Variants in KIAA1217 observed in about 807,000 individuals in gnomAD.
The protein encoded by KIAA1217 is sickle tail protein homolog.
Under a neutral mutation model 163.9 loss-of-function variants are expected in KIAA1217, and 88 were observed. That is an observed-to-expected ratio of 0.54 (90% CI 0.45 to 0.64). The LOEUF is 0.64. Ranked by LOEUF, KIAA1217 falls within the 30% of genes least tolerant of loss-of-function variation. KIAA1217 has a pLI of 0.00. For synonymous variants in KIAA1217, 903 were observed against 923.1 expected (o/e 0.98, Z 0.39); for missense variants, 2,372 against 2,475.0 (o/e 0.96, Z 0.88).
chr10:24,535,814 T>C (rs762159443), intron 16 of KIAA1217, among the ~76,000 whole-genome samples: 40 of 150,094 alleles, frequency 2.7e-4, no homozygotes, highest in Non-Finnish European at 4.9e-4. Flanking sequence ...TAAAAATAGT[T>C]TTTAATCCTA....
chr10:23,787,650 GACAA>G (rs994778561), intron 1 of KIAA1217, among the ~76,000 whole-genome samples: 5 of 152,106 alleles, frequency 3.3e-5, no homozygotes, highest in Non-Finnish European at 7.4e-5. Flanking sequence ...ATTGTGAGGA[GACAA>G]ACAAAACAAA....
chr10:24,281,552 C>T (rs1028032060), intron 2 of KIAA1217, among the ~76,000 whole-genome samples: 2 of 152,118 alleles, frequency 1.3e-5, no homozygotes, highest in African/African-American at 4.8e-5. Flanking sequence ...AAGATCTGTT[C>T]CTTAGGCTCT....
At chr10:24,311,366 C>A (rs1008865539) in intron 2 of KIAA1217, among the ~76,000 whole-genome samples, 5 of 152,152 alleles carry the variant, frequency 3.3e-5, no homozygotes, top group Non-Finnish European at 7.3e-5. Flanking sequence ...CGGGTCCTCG[C>A]TGGGCTTGTC....
intron 9 of KIAA1217, among the ~76,000 whole-genome samples, chr10:24,501,905 C>T (rs978206383): frequency 3.3e-5 from 5 of 151,814 alleles, no homozygotes; most frequent in Admixed American, 2.6e-4. Context: ...CCCGCCACCA[C>T]GCCCGGCTAA....
intron 3 of KIAA1217, among the ~76,000 whole-genome samples, chr10:24,393,962 G>A (rs1234353248): frequency 3.3e-5 from 5 of 152,212 alleles, no homozygotes; most frequent in Admixed American, 6.5e-5. Flanking sequence ...GCTTATGACA[G>A]TTGTCACAAA....
chr10:24,348,402 ATC>A (rs879842811), intron 2 of KIAA1217, among the ~76,000 whole-genome samples: 42 of 152,172 alleles, frequency 2.8e-4, no homozygotes, highest in African/African-American at 9.7e-4. Context: ...TCTAAAATAG[ATC>A]TTACTCTAGT....
At chr10:23,829,643 C>T (rs1294325192) in intron 1 of KIAA1217, among the ~76,000 whole-genome samples, 1 of 152,044 alleles carries the variant, frequency 6.6e-6, no homozygotes, top group East Asian at 1.9e-4. Flanking sequence ...TCTCTCTTTC[C>T]AAACTATTAT....
intron 2 of KIAA1217, among the ~76,000 whole-genome samples, chr10:24,313,390 GTTC>G (rs2042953889): frequency 6.6e-6 from 1 of 152,162 alleles, no homozygotes; most frequent in African/African-American, 2.4e-5. Flanking sequence ...GCGATTAAAT[GTTC>G]TTATTTCGAG....
intron 1 of KIAA1217, among the ~76,000 whole-genome samples, chr10:23,802,942 A>G (rs964507780): frequency 6.6e-6 from 1 of 152,146 alleles, no homozygotes; most frequent in African/African-American, 2.4e-5. Context: ...CTCTTCGAAG[A>G]TCTTTGCATG....
intron 1 of KIAA1217, among the ~76,000 whole-genome samples, chr10:23,958,865 CA>C (rs1348289490): frequency 6.6e-6 from 1 of 151,310 alleles, no homozygotes; most frequent in East Asian, 1.9e-4. Context: ...CTCTCGCAGA[CA>C]GGCTCTTCCT....
At chr10:24,392,896 T>C (rs938536724) in intron 3 of KIAA1217, among the ~76,000 whole-genome samples, 21 of 152,368 alleles carry the variant, frequency 1.4e-4, no homozygotes, top group South Asian at 2.1e-4. Flanking sequence ...CTGTTCACCA[T>C]GCCTTACTGT....
intron 2 of KIAA1217, among the ~76,000 whole-genome samples, chr10:24,203,021 G>A (rs2130536474): frequency 6.6e-6 from 1 of 152,074 alleles, no homozygotes; most frequent in South Asian, 2.1e-4. Flanking sequence ...GAGACCTAAT[G>A]TCTACAAAAA....
intron 1 of KIAA1217, among the ~76,000 whole-genome samples, chr10:23,795,816 G>A (rs956505834): frequency 2.0e-5 from 3 of 152,120 alleles, no homozygotes; most frequent in Admixed American, 1.3e-4. Flanking sequence ...TTCATCTTCT[G>A]GGGGTCCAGA....
intron 1 of KIAA1217, among the ~76,000 whole-genome samples, chr10:23,858,421 C>T (rs546564285): frequency 2.0e-5 from 3 of 151,672 alleles, no homozygotes; most frequent in African/African-American, 7.3e-5. Flanking sequence ...ACCACAACAG[C>T]ATATATATAT....
At chr10:23,898,349 C>T (rs1329909867) in intron 1 of KIAA1217, among the ~76,000 whole-genome samples, 1 of 151,418 alleles carries the variant, frequency 6.6e-6, no homozygotes, top group Non-Finnish European at 1.5e-5. Context: ...TATATTTATA[C>T]ATGTACAACC....
chr10:23,984,529 A>T (rs1393572268), intron 1 of KIAA1217, among the ~76,000 whole-genome samples: 4 of 152,220 alleles, frequency 2.6e-5, no homozygotes, highest in African/African-American at 4.8e-5. Flanking sequence ...CCCATTAATG[A>T]TAGACTGAAT....
chr10:24,023,622 T>C (rs1377555956), intron 2 of KIAA1217, among the ~76,000 whole-genome samples: 1 of 151,688 alleles, frequency 6.6e-6, no homozygotes, highest in East Asian at 1.9e-4. Context: ...TGGAACCAAT[T>C]TCCTGCATAC....
intron 2 of KIAA1217, among the ~76,000 whole-genome samples, chr10:24,347,910 G>C (rs1263303536): frequency 6.6e-6 from 1 of 152,094 alleles, no homozygotes; most frequent in African/African-American, 2.4e-5. Context: ...CACCACACAT[G>C]GTTACCATCC....
intron 1 of KIAA1217, among the ~76,000 whole-genome samples, chr10:23,957,903 C>T (rs555526203): frequency 6.6e-6 from 1 of 152,302 alleles, no homozygotes; most frequent in South Asian, 2.1e-4. Flanking sequence ...AACAAATCTT[C>T]AGAAGAAGGT....
Sources: allele counts gnomAD v4.1 joint callset (sites outside exome capture counted in the v4.1 genomes callset), GRCh38; gene constraint gnomAD v4.1.1; transcripts MANE v1.5; gene names NCBI Gene and HGNC (gene_info 2026-07-23, HGNC 2026-07-21).